TMEM74: variants seen among roughly 807,000 people sequenced by gnomAD.
The protein encoded by TMEM74 is transmembrane protein 74.
A neutral mutation model predicts 18.1 loss-of-function variants in TMEM74; 13 were observed. The observed-to-expected ratio is 0.72, with a 90% CI of 0.47 to 1.14. The LOEUF (loss-of-function observed/expected upper bound fraction) is 1.14. Ranked by LOEUF, TMEM74 falls within the 50% of genes most tolerant of loss-of-function variation. TMEM74 has a pLI of 0.00. For synonymous variants in TMEM74, 159 were observed against 146.6 expected (o/e 1.08, Z -0.61); for missense variants, 372 against 375.9 (o/e 0.99, Z 0.09).
At chr8:108,695,545 G>T (rs1457625582) in intron 1 of TMEM74, among the ~76,000 whole-genome samples, 1 of 152,118 alleles carries the variant, frequency 6.6e-6, no homozygotes, top group African/African-American at 2.4e-5. Context: ...AAGCAGGGAG[G>T]CACAATATGC....
intron 1 of TMEM74, among the ~76,000 whole-genome samples, chr8:108,674,523 C>T (rs1225851955): frequency 1.3e-5 from 2 of 152,160 alleles, no homozygotes; most frequent in East Asian, 3.8e-4. Flanking sequence ...GAGAAAGAGG[C>T]CAGTAAGTCT....
chr8:108,612,186 T>A (rs964903815), intron 2 of TMEM74, among the ~76,000 whole-genome samples: 2 of 152,042 alleles, frequency 1.3e-5, no homozygotes, highest in South Asian at 4.1e-4. Context: ...CCAAACTATA[T>A]CAGGCACTGA....
chr8:108,641,959 G>C (rs1446853919), intron 2 of TMEM74, among the ~76,000 whole-genome samples: 1 of 151,996 alleles, frequency 6.6e-6, no homozygotes, highest in East Asian at 1.9e-4. Context: ...TTAATATTTT[G>C]TATTTGACAC....
At chr8:108,646,130 A>G (rs995412908) in intron 2 of TMEM74, among the ~76,000 whole-genome samples, 1 of 151,252 alleles carries the variant, frequency 6.6e-6, no homozygotes, top group African/African-American at 2.4e-5. Context: ...CATACTTAAC[A>G]TGGGCTCAAG....
At chr8:108,673,094 A>G (rs895966041) in intron 1 of TMEM74, among the ~76,000 whole-genome samples, 1 of 152,216 alleles carries the variant, frequency 6.6e-6, no homozygotes, top group Non-Finnish European at 1.5e-5. Flanking sequence ...TTCAAATTCT[A>G]AGAAAATTGG....
chr8:108,757,500 T>C (rs933259770), intron 1 of TMEM74, among the ~76,000 whole-genome samples: 2 of 152,088 alleles, frequency 1.3e-5, no homozygotes, highest in African/African-American at 4.8e-5. Context: ...TGCTGTTTTT[T>C]AGAGATATTC....
At chr8:108,620,673 T>C (rs1023847639) in intron 2 of TMEM74, among the ~76,000 whole-genome samples, 2 of 152,118 alleles carry the variant, frequency 1.3e-5, no homozygotes, top group Non-Finnish European at 2.9e-5. Context: ...CGGAAAGATA[T>C]CGCTTAGTAA....
intron 1 of TMEM74, among the ~76,000 whole-genome samples, chr8:108,742,275 T>C (rs558689933): frequency 1.1e-4 from 17 of 152,252 alleles, no homozygotes; most frequent in Non-Finnish European, 1.6e-4. Context: ...AATCTTCACA[T>C]GTACCCCCGA....
chr8:108,719,350 T>A (rs567767329), intron 1 of TMEM74, among the ~76,000 whole-genome samples: 1 of 152,270 alleles, frequency 6.6e-6, no homozygotes, highest in South Asian at 2.1e-4. Flanking sequence ...CACAAAAGTG[T>A]TTAATATCAT....
chr8:108,652,954 A>G, intron 2 of TMEM74: 1 of 291,458 alleles, frequency 3.4e-6, no homozygotes, highest in Non-Finnish European at 6.8e-6. Flanking sequence ...TGCTAGACAT[A>G]AAAGAAGACT....
intron 1 of TMEM74, among the ~76,000 whole-genome samples, chr8:108,745,916 G>A (rs967801197): frequency 6.6e-6 from 1 of 152,010 alleles, no homozygotes; most frequent in African/African-American, 2.4e-5. Flanking sequence ...CTAATTACCG[G>A]TGCATACAGT....
intron 2 of TMEM74, among the ~76,000 whole-genome samples, chr8:108,642,389 C>A (rs1443182029): frequency 4.6e-5 from 6 of 130,758 alleles, no homozygotes; most frequent in Non-Finnish European, 6.3e-5. Flanking sequence ...GAGACTCCAT[C>A]TCAAAAAAAA....
At chr8:108,758,067 A>G (rs1255713591) in intron 1 of TMEM74, among the ~76,000 whole-genome samples, 3 of 152,084 alleles carry the variant, frequency 2.0e-5, no homozygotes, top group Non-Finnish European at 4.4e-5. Flanking sequence ...ACTAGGCTCT[A>G]TCGTTTAATG....
chr8:108,665,413 T>C (rs372237574), intron 1 of TMEM74, among the ~76,000 whole-genome samples: 2 of 151,836 alleles, frequency 1.3e-5, no homozygotes, highest in African/African-American at 4.8e-5. Flanking sequence ...GGAGAAAGAG[T>C]AGCAGGAAGC....
At position 108,784,048 on chromosome 8, in the gene TMEM74, CACTT is replaced by C; in HGVS notation, c.*129_*132del. On this transcript the variant is annotated 3_prime_UTR_variant, in exon 2 of 2. Transcript: ENST00000297459. ...ATAGAAGACACATAGAGAACAAAAA[CACTT>C]ACTGGCTGTTGGTTTGTGAAATAAA... 2 of 764,002 alleles carry C rather than the reference CACTT, an allele frequency of 2.6e-6. No homozygotes were observed. Among genetic ancestry groups the C allele is most frequent in the East Asian group, 2.8e-5 (1 of 36,086 alleles). The allele number at this position is 764,002 out of a possible 1,614,324, so 47.3% of individuals were successfully genotyped here. A position where few individuals can be genotyped will look rare whatever the true frequency, so the allele number is the denominator to read the frequency against.
At chr8:108,664,421 T>G (rs189952964) in intron 1 of TMEM74, among the ~76,000 whole-genome samples, 180 of 152,292 alleles carry the variant, frequency 1.2e-3, no homozygotes, top group Non-Finnish European at 2.2e-3. Flanking sequence ...AATTTGGTTT[T>G]CAGCTTGAAT....
chr8:108,707,772 C>T (rs763016305), intron 1 of TMEM74, among the ~76,000 whole-genome samples: 1 of 152,074 alleles, frequency 6.6e-6, no homozygotes, highest in Non-Finnish European at 1.5e-5. Context: ...ATCTTCTTGT[C>T]GTTGGTTTAA....
At position 108,761,549 on chromosome 8, in the gene TMEM74, G is replaced by A. The variant is rs190230517; in HGVS notation, n.119+25927C>T. On this transcript the variant is annotated intron_variant and non_coding_transcript_variant, in intron 1 of 3. Transcript: ENST00000518838. ...AGGATATTTTAACAGGCTCTAAACT[G>A]AGCCTCTTATTCGTGTTCAGGAAAA... 1.2e-3 allele frequency among the ~76,000 whole-genome samples: 181 copies of A among 152,168 alleles called. 1 individual carries two copies. The highest frequency in any genetic ancestry group is 1.7e-3 in the Non-Finnish European group (118 of 68,004).
intron 2 of TMEM74, among the ~76,000 whole-genome samples, chr8:108,634,241 AC>A (rs1220615520): frequency 6.6e-6 from 1 of 151,778 alleles, no homozygotes; most frequent in Non-Finnish European, 1.5e-5. Context: ...TCTCCTCCCC[AC>A]CTCCATCCCC....
Sources: allele counts gnomAD v4.1 joint callset (sites outside exome capture counted in the v4.1 genomes callset), GRCh38; gene constraint gnomAD v4.1.1; transcripts MANE v1.5; gene names NCBI Gene and HGNC (gene_info 2026-07-23, HGNC 2026-07-21).